The following MACROD2 variants were observed in gnomAD, a reference collection of about 807,000 sequenced individuals.
MACROD2 encodes mono-ADP ribosylhydrolase 2, also known as ADP-ribose glycohydrolase MACROD2.
MACROD2 carries 36 observed loss-of-function variants against 70.4 expected under a neutral mutation model. The ratio of observed to expected loss-of-function variants is 0.51; its 90% CI spans 0.39 to 0.68. The LOEUF (loss-of-function observed/expected upper bound fraction) is 0.68. Ranked by LOEUF, MACROD2 falls within the 30% of genes least tolerant of loss-of-function variation. MACROD2 has a pLI of 0.00. For missense variants in MACROD2, 496 were observed against 538.4 expected (o/e 0.92, Z 0.78); for synonymous variants, 172 against 178.8 (o/e 0.96, Z 0.30).
intron 5 of MACROD2, among the ~76,000 whole-genome samples, chr20:14,995,862 A>G (rs1310944324): frequency 6.6e-6 from 1 of 152,196 alleles, no homozygotes; most frequent in Non-Finnish European, 1.5e-5. Flanking sequence ...ATGCATGTAT[A>G]AGAAACTAGA....
chr20:14,852,890 C>A (rs867085649), intron 5 of MACROD2, among the ~76,000 whole-genome samples: 1 of 152,142 alleles, frequency 6.6e-6, no homozygotes, highest in African/African-American at 2.4e-5. Context: ...TGAAGCCCCA[C>A]TGTGGCTCGG....
chr20:15,606,419 G>A (rs180992681), intron 8 of MACROD2, among the ~76,000 whole-genome samples: 20 of 152,120 alleles, frequency 1.3e-4, no homozygotes, highest in South Asian at 4.2e-4. Flanking sequence ...ATTAGTTGGC[G>A]TTCATTTTTC....
chr20:14,829,451 A>G (rs569095114), intron 5 of MACROD2, among the ~76,000 whole-genome samples: 3 of 152,104 alleles, frequency 2.0e-5, no homozygotes, highest in Non-Finnish European at 4.4e-5. Context: ...AGAGTTGCAC[A>G]TCTCCAGGAT....
chr20:15,472,360 T>C (rs1054527081), intron 7 of MACROD2, among the ~76,000 whole-genome samples: 28 of 152,304 alleles, frequency 1.8e-4, no homozygotes, highest in Non-Finnish European at 3.5e-4. Context: ...CTCTTTCCTT[T>C]AAGTAATGTG....
intron 3 of MACROD2, among the ~76,000 whole-genome samples, chr20:14,309,574 C>T (rs1171618138): frequency 6.6e-6 from 1 of 152,082 alleles, no homozygotes; most frequent in East Asian, 1.9e-4. Flanking sequence ...ACTCATGTGT[C>T]TATGGACAGT....
intron 4 of MACROD2, among the ~76,000 whole-genome samples, chr20:14,560,032 A>T (rs1979319144): frequency 1.3e-5 from 2 of 151,752 alleles, no homozygotes; most frequent in Admixed American, 1.3e-4. Flanking sequence ...GTATATTTAC[A>T]TATTTAAGTA....
chr20:15,972,687 G>A (rs572872748), intron 13 of MACROD2, among the ~76,000 whole-genome samples: 128 of 152,170 alleles, frequency 8.4e-4, no homozygotes, highest in African/African-American at 3.0e-3. Flanking sequence ...GTGGGCACCT[G>A]TAATCCCAGC....
At chr20:15,344,141 T>C (rs924586939) in intron 6 of MACROD2, among the ~76,000 whole-genome samples, 9 of 152,194 alleles carry the variant, frequency 5.9e-5, no homozygotes, top group Non-Finnish European at 1.3e-4. Flanking sequence ...CAGATGCAGA[T>C]CCAGCCTCAG....
intron 4 of MACROD2, among the ~76,000 whole-genome samples, chr20:14,629,947 G>T (rs1401180852): frequency 9.2e-5 from 13 of 141,864 alleles, no homozygotes; most frequent in Non-Finnish European, 1.2e-4. Flanking sequence ...CCTATTATGT[G>T]CTAAGGTCTA....
intron 6 of MACROD2, among the ~76,000 whole-genome samples, chr20:15,302,678 A>G (rs2077658567): frequency 6.6e-6 from 1 of 152,220 alleles, no homozygotes; most frequent in Non-Finnish European, 1.5e-5. Flanking sequence ...ACACATGTAT[A>G]TTTAATTTAC....
chr20:14,190,874 A>G (rs1257092974), intron 3 of MACROD2, among the ~76,000 whole-genome samples: 1 of 150,832 alleles, frequency 6.6e-6, no homozygotes, highest in African/African-American at 2.4e-5. Flanking sequence ...CGCCGGGCTA[A>G]TATTTTGTAT....
intron 11 of MACROD2, among the ~76,000 whole-genome samples, chr20:15,936,791 A>G (rs1009585239): frequency 1.3e-5 from 2 of 152,060 alleles, no homozygotes; most frequent in Non-Finnish European, 2.9e-5. Context: ...GTTAGCTGTT[A>G]TCGTGGAGGC....
chr20:15,349,748 T>A, intron 6 of MACROD2, among the ~76,000 whole-genome samples: 1 of 117,334 alleles, frequency 8.5e-6, no homozygotes, highest in African/African-American at 3.3e-5. Context: ...AGAGAAAAAC[T>A]CAGTCTCAAA....
chr20:15,530,964 A>G (rs1388431422), intron 8 of MACROD2, among the ~76,000 whole-genome samples: 1 of 149,368 alleles, frequency 6.7e-6, no homozygotes, highest in Admixed American at 6.7e-5. Context: ...TTTGATTGTC[A>G]TAGGTGACTT....
At chr20:15,932,158 G>A (rs1214812795) in intron 10 of MACROD2, among the ~76,000 whole-genome samples, 2 of 152,166 alleles carry the variant, frequency 1.3e-5, no homozygotes, top group African/African-American at 4.8e-5. Flanking sequence ...AAAGGTTCAA[G>A]AAGGCTTGGC....
chr20:15,327,482 G>A (rs2077943190), intron 6 of MACROD2, among the ~76,000 whole-genome samples: 1 of 152,124 alleles, frequency 6.6e-6, no homozygotes, highest in Admixed American at 6.6e-5. Flanking sequence ...CATGGCAGAA[G>A]GGGAAGCAAA....
chr20:14,123,537 A>G (rs559661903), intron 3 of MACROD2, among the ~76,000 whole-genome samples: 2 of 152,126 alleles, frequency 1.3e-5, no homozygotes, highest in Non-Finnish European at 2.9e-5. Context: ...GCGGCATACC[A>G]TTAGTCTCCC....
chr20:14,861,881 T>A (rs914185229), intron 5 of MACROD2, among the ~76,000 whole-genome samples: 1 of 141,538 alleles, frequency 7.1e-6, no homozygotes, highest in African/African-American at 2.6e-5. Flanking sequence ...TCCACTGGGA[T>A]GTACATACTT....
At chr20:14,083,062 T>G (rs1321880319) in intron 2 of MACROD2, among the ~76,000 whole-genome samples, 3 of 151,512 alleles carry the variant, frequency 2.0e-5, no homozygotes, top group African/African-American at 7.3e-5. Flanking sequence ...AAAAAGTATC[T>G]TAGTATTGTG....
Sources: allele counts gnomAD v4.1 joint callset (sites outside exome capture counted in the v4.1 genomes callset), GRCh38; gene constraint gnomAD v4.1.1; transcripts MANE v1.5; gene names NCBI Gene and HGNC (gene_info 2026-07-23, HGNC 2026-07-21).